Variants in NALF1 observed in about 807,000 individuals in gnomAD.
The protein encoded by NALF1 is NALCN channel auxiliary factor 1, also known as family with sequence similarity 155 member A.
A neutral mutation model predicts 48.4 loss-of-function variants in NALF1; 3 were observed. That is an observed-to-expected ratio of 0.06 (90% CI 0.03 to 0.16). The LOEUF is 0.16. Among genes scored for constraint, NALF1 ranks in the 10% least tolerant of loss-of-function variants. The pLI is 1.00. For synonymous variants in NALF1, 262 were observed against 245.7 expected, an observed-to-expected ratio of 1.07 and a Z score of -0.62; for missense variants, 526 against 571.5, an observed-to-expected ratio of 0.92 and a Z score of 0.81.
intron 1 of NALF1, among the ~76,000 whole-genome samples, chr13:107,474,060 C>G (rs1157703175): frequency 6.6e-6 from 1 of 152,150 alleles, no homozygotes; most frequent in African/African-American, 2.4e-5. Flanking sequence ...CCCTTCTTCT[C>G]TCAAGTGTTG....
chr13:107,581,003 A>C (rs893012904), intron 1 of NALF1, among the ~76,000 whole-genome samples: 4 of 152,244 alleles, frequency 2.6e-5, no homozygotes, highest in African/African-American at 9.6e-5. Flanking sequence ...AGAGAAAAAT[A>C]GTCAAAATAC....
chr13:107,377,281 C>G (rs898690891), intron 1 of NALF1, among the ~76,000 whole-genome samples: 1 of 152,176 alleles, frequency 6.6e-6, no homozygotes, highest in African/African-American at 2.4e-5. Context: ...ACTGGGAAGG[C>G]GTGGAGTTGC....
chr13:107,854,879 AAAAAG>A lies in NALF1; in HGVS notation c.915+10798_915+10802del, dbSNP rs1440155740. ...CACAGGTTCCATCTCAAAAAAAAAA[AAAAAG>A]AAAAAAAGACCTATATGGAAACCTA... is the stretch of plus-strand genomic sequence containing the variant. On this transcript the variant is annotated intron_variant, in intron 1 of 2. Transcript: ENST00000375915. 8.6e-5 allele frequency among the ~76,000 whole-genome samples: 13 copies of A among 151,666 alleles called. No homozygotes were observed. The South Asian group carries it at 2.5e-3, about 29-fold the overall frequency.
At position 107,744,403 on chromosome 13, in the gene NALF1, TA is replaced by T. The variant is rs909521940; in HGVS notation, c.915+121278del. On this transcript the variant is annotated intron_variant, in intron 1 of 2. Transcript: ENST00000375915. ...GGACAAATAAGTAAGCGAAGTGTTT[TA>T]AAAAAAAATGATATCCCCAAGCCCG... 3.2e-3 allele frequency among the ~76,000 whole-genome samples: 478 copies of T among 151,680 alleles called. 3 individuals are homozygous for T. The highest frequency in any genetic ancestry group is 0.011 in the African/African-American group (450 of 41,374).
chr13:107,183,135 A>G (rs1489892120), intron 2 of NALF1, among the ~76,000 whole-genome samples: 1 of 152,002 alleles, frequency 6.6e-6, no homozygotes, highest in African/African-American at 2.4e-5. Flanking sequence ...CTTTCCATCC[A>G]TATCCGCCAT....
In NALF1 at chr13:107,615,364, C is replaced by G. The variant is rs569737890; in HGVS notation, c.915+250318G>C. On this transcript the variant is annotated intron_variant, in intron 1 of 2. Coordinates refer to ENST00000375915, the MANE Select transcript of NALF1 (RefSeq NM_001080396.3). ...TGTTGGCGGGTCTGCTCCCTTATGGCTTGCTCTTACCCTGCCTTTCGCATA... is the reference window on the plus strand; with the variant it reads ...TGTTGGCGGGTCTGCTCCCTTATGGGTTGCTCTTACCCTGCCTTTCGCATA... 2.1e-4 allele frequency among the ~76,000 whole-genome samples: 32 copies of G among 152,256 alleles called. 1 individual carries two copies. In the South Asian group the frequency reaches 6.6e-3, roughly 32 times the overall value.
intron 1 of NALF1, among the ~76,000 whole-genome samples, chr13:107,237,523 A>G (rs1039010356): frequency 6.6e-6 from 1 of 152,226 alleles, no homozygotes; most frequent in African/African-American, 2.4e-5. Context: ...GCATTTGCAT[A>G]TAACCTAAGT....
At chr13:107,634,297 A>G (rs1879916651) in intron 1 of NALF1, among the ~76,000 whole-genome samples, 1 of 152,116 alleles carries the variant, frequency 6.6e-6, no homozygotes, top group Non-Finnish European at 1.5e-5. Context: ...AGGGGTGATG[A>G]GAAATTACTT....
chr13:107,182,054 AC>A (rs1313363964), intron 2 of NALF1, among the ~76,000 whole-genome samples: 2 of 152,024 alleles, frequency 1.3e-5, no homozygotes, highest in African/African-American at 4.8e-5. Context: ...TAAGAGTTTC[AC>A]AATGATTGAA....
intron 1 of NALF1, among the ~76,000 whole-genome samples, chr13:107,692,096 T>C (rs1881581261): frequency 6.6e-6 from 1 of 152,202 alleles, no homozygotes; most frequent in African/African-American, 2.4e-5. Context: ...CCATAATTAC[T>C]TACATTAAGA....
intron 1 of NALF1, among the ~76,000 whole-genome samples, chr13:107,654,196 G>A (rs1206751852): frequency 6.6e-6 from 1 of 151,980 alleles, no homozygotes; most frequent in Non-Finnish European, 1.5e-5. Context: ...GAAATGAAAT[G>A]GAAGATATTA....
At chr13:107,831,340 T>C (rs565727887) in intron 1 of NALF1, among the ~76,000 whole-genome samples, 1 of 152,232 alleles carries the variant, frequency 6.6e-6, no homozygotes, top group East Asian at 1.9e-4. Flanking sequence ...TTAAAACTCT[T>C]AAAAAGTAAG....
rs192623495 is a variant in NALF1 at position 107,292,726 on chromosome 13, T to C, written c.916-81971A>G. Among the ~76,000 whole-genome samples, 33 of 152,300 alleles carry C rather than the reference T, an allele frequency of 2.2e-4. No individual in the cohort carries two copies. The East Asian group carries it at 6.4e-3, about 29-fold the overall frequency. Reference sequence around the variant, plus strand: ...CCTGAGGCTGTTTACAGTTAAAATGTTTTTAAATAAGTAGAAAAAGTATAT... The same window carrying C: ...CCTGAGGCTGTTTACAGTTAAAATGCTTTTAAATAAGTAGAAAAAGTATAT... On this transcript the variant is annotated intron_variant, in intron 1 of 2. Coordinates refer to ENST00000375915, the MANE Select transcript of NALF1 (RefSeq NM_001080396.3).
At chr13:107,640,116 G>A (rs1009252394) in intron 1 of NALF1, among the ~76,000 whole-genome samples, 5 of 151,914 alleles carry the variant, frequency 3.3e-5, no homozygotes, top group African/African-American at 1.2e-4. Context: ...CATTGCTTTG[G>A]TGAGTGAAAA....
At chr13:107,741,138 T>C (rs1354979881) in intron 1 of NALF1, among the ~76,000 whole-genome samples, 1 of 152,148 alleles carries the variant, frequency 6.6e-6, no homozygotes, top group East Asian at 1.9e-4. Context: ...TTTGTGAAAA[T>C]ATGTCTGGGC....
chr13:107,625,400 G>A (rs1172230370), intron 1 of NALF1, among the ~76,000 whole-genome samples: 1 of 152,108 alleles, frequency 6.6e-6, no homozygotes, highest in Non-Finnish European at 1.5e-5. Flanking sequence ...TGTGTCTTAA[G>A]TGATAAACTA....
chr13:107,727,360 A>G (rs1467956767), intron 1 of NALF1, among the ~76,000 whole-genome samples: 2 of 152,216 alleles, frequency 1.3e-5, no homozygotes, highest in Non-Finnish European at 2.9e-5. Flanking sequence ...CCAGGAAGAA[A>G]TTCTGAGTGT....
intron 1 of NALF1, among the ~76,000 whole-genome samples, chr13:107,414,322 C>G (rs1410442778): frequency 6.6e-6 from 1 of 151,194 alleles, no homozygotes; most frequent in Non-Finnish European, 1.5e-5. Flanking sequence ...TTCTTCTTTT[C>G]TTTCTTTCCC....
At chr13:107,468,275 G>A (rs1885041330) in intron 1 of NALF1, among the ~76,000 whole-genome samples, 1 of 152,034 alleles carries the variant, frequency 6.6e-6, no homozygotes, top group Non-Finnish European at 1.5e-5. Flanking sequence ...ATTACCTAAG[G>A]CAAAATGGAG....
Sources: gnomAD v4.1 joint callset for allele counts (sites outside exome capture counted in the v4.1 genomes callset) on GRCh38, gnomAD v4.1.1 for gene constraint, MANE v1.5 for transcripts, NCBI Gene and HGNC (gene_info 2026-07-23, HGNC 2026-07-21) for gene names.